LMBRD2: variants seen among roughly 807,000 people sequenced by gnomAD.
The protein encoded by LMBRD2 is G protein-coupled receptor-associated protein LMBRD2.
Under a neutral mutation model 94.4 loss-of-function variants are expected in LMBRD2, and 55 were observed. That is an observed-to-expected ratio of 0.58 (90% CI 0.47 to 0.73). LMBRD2 has a LOEUF of 0.73. LMBRD2 is among the 30% of genes least tolerant of loss of function. The probability of loss-of-function intolerance (pLI) is 0.00; values close to 1 mark genes in which losing one functional copy is unlikely to be tolerated. For missense variants in LMBRD2, 640 were observed against 831.9 expected (o/e 0.77, Z 2.84); for synonymous variants, 246 against 272.4 (o/e 0.90, Z 0.95).
chr5:36,149,889 AAG>A (rs1314444086), intron 1 of LMBRD2, among the ~76,000 whole-genome samples: 3 of 152,198 alleles, frequency 2.0e-5, no homozygotes, highest in Non-Finnish European at 4.4e-5. Context: ...CCTGGGCAAT[AAG>A]AGTGAAATTT....
At chr5:36,147,118 G>A (rs1187207617) in intron 1 of LMBRD2, among the ~76,000 whole-genome samples, 3 of 152,122 alleles carry the variant, frequency 2.0e-5, no homozygotes, top group African/African-American at 7.2e-5. Context: ...CCAGAGATAA[G>A]AGCATAGACA....
rs1212269668 is a variant in LMBRD2 at position 36,122,420 on chromosome 5, C to T, written c.980G>A (p.Trp327Ter). ...VQRHRRTQVQ[W>*]QILLEQAFYL... ...AAATGCTTGTTCCAAAAGAATCTGC[C>T]ATTGTACTTGAGTTCGACGGTGTCT... The change falls in exon 9 of 18, where the codon TGG (tryptophan) becomes TAG (stop). Residue 327 changes from tryptophan (W) to a stop codon, truncating the protein, a stop_gained. Coordinates refer to ENST00000296603, the MANE Select transcript of LMBRD2 (RefSeq NM_001007527.2). LOFTEE classifies it high-confidence loss of function. 6.2e-7 allele frequency: 1 copy of T among 1,613,334 alleles called. No homozygotes were observed. The highest frequency in any genetic ancestry group is 1.7e-5 in the Admixed American group (1 of 59,832).
intron 1 of LMBRD2, among the ~76,000 whole-genome samples, chr5:36,144,998 T>G (rs1744503892): frequency 6.6e-6 from 1 of 152,206 alleles, no homozygotes; most frequent in African/African-American, 2.4e-5. Context: ...TGCTATATTT[T>G]CCTTCAATGC....
intron 16 of LMBRD2, 48 bp downstream of exon 16, chr5:36,108,486 A>C (rs767888928): frequency 1.1e-6 from 1 of 946,304 alleles, no homozygotes; most frequent in Non-Finnish European, 1.7e-6. Flanking sequence ...CTATGCAAGA[A>C]AGCATAAGAA....
Position 36,142,524 on chromosome 5 carries a change from C to T in LMBRD2, c.250G>A (p.Ala84Thr), listed in dbSNP as rs748136443. Residue 84 changes from alanine (A) to threonine (T), a missense_variant, in exon 3 of 18, where the codon GCA becomes ACA. Ala to Thr is a moderately conservative substitution (Grantham distance 58). Transcript: ENST00000296603. ...TACCTTGGAACAGGGTTAGCAGTTG[C>T]GTACAATCCTGTAATGTTGCTATTC... ...PENSNITGLY[A>T]TANPVPSQHP... 2.9e-5 allele frequency: 46 copies of T among 1,600,972 alleles called. No individual in the cohort carries two copies. Among genetic ancestry groups the T allele is most frequent in the East Asian group, 2.7e-4 (12 of 44,782 alleles).
intron 6 of LMBRD2, among the ~76,000 whole-genome samples, chr5:36,127,639 T>G (rs934198741): frequency 6.6e-6 from 1 of 152,148 alleles, no homozygotes; most frequent in African/African-American, 2.4e-5. Flanking sequence ...ATATACTCAT[T>G]GTGGCCCTGG....
At chr5:36,135,412 T>G (rs1336483189) in intron 6 of LMBRD2, among the ~76,000 whole-genome samples, 1 of 152,194 alleles carries the variant, frequency 6.6e-6, no homozygotes. Flanking sequence ...AGTTGAGTGT[T>G]AGGTAAATAT....
At chr5:36,142,480 T>TA in intron 3 of LMBRD2, 22 bp downstream of exon 3, 2 of 1,339,572 alleles carry the variant, frequency 1.5e-6, no homozygotes, top group Non-Finnish European at 2.1e-6. Flanking sequence ...TGTTTATATA[T>TA]TTTTTTTAAA....
intron 6 of LMBRD2, among the ~76,000 whole-genome samples, chr5:36,128,707 A>G (rs933389360): frequency 6.6e-6 from 1 of 152,090 alleles, no homozygotes; most frequent in South Asian, 2.1e-4. Flanking sequence ...CCTGGGTAAC[A>G]CAGTGAGACC....
At position 36,111,230 on chromosome 5, in the gene LMBRD2, C is replaced by T. The variant is rs1165881783; in HGVS notation, c.1669G>A (p.Gly557Ser). The T allele has an allele frequency of 5.6e-6, 9 of 1,611,580 alleles. No individual in the cohort carries two copies. The highest frequency in any genetic ancestry group is 7.6e-6 in the Non-Finnish European group (9 of 1,178,502). Reference protein sequence around the residue: ...SLGTRCLNLLGFQQFMGDDDM... With the variant: ...SLGTRCLNLLSFQQFMGDDDM... ...TCATCTCCCATAAACTGCTGGAAAC[C>T]GAGCAGATTCAAACAACGGGTTCCC... Residue 557 changes from glycine (G) to serine (S), a missense_variant, in exon 14 of 18, where the codon GGT becomes AGT. Transcript: ENST00000296603.
At chr5:36,138,284 G>T (rs1319326472) in intron 4 of LMBRD2, among the ~76,000 whole-genome samples, 1 of 152,304 alleles carries the variant, frequency 6.6e-6, no homozygotes, top group East Asian at 1.9e-4. Flanking sequence ...TGAGCAAGTG[G>T]AGATATCAAA....
intron 17 of LMBRD2, among the ~76,000 whole-genome samples, chr5:36,104,529 A>G (rs138569415): frequency 1.3e-3 from 201 of 152,192 alleles, no homozygotes; most frequent in African/African-American, 4.4e-3. Context: ...GGCTAAAAGT[A>G]CAGACTCTGT....
At chr5:36,107,212 T>C (rs1743493273) in intron 16 of LMBRD2, among the ~76,000 whole-genome samples, 1 of 152,176 alleles carries the variant, frequency 6.6e-6, no homozygotes. Flanking sequence ...ATAGTTTCCA[T>C]CTCTCTGGTG....
At chr5:36,142,792 T>C in intron 2 of LMBRD2, 193 bp from the exon 3 acceptor site, 1 of 418,650 alleles carries the variant, frequency 2.4e-6, no homozygotes, top group Admixed American at 4.2e-5. Context: ...TGGCGCGATC[T>C]CGGCTTACTG....
At chr5:36,125,813 G>T (rs1222327067) in intron 6 of LMBRD2, among the ~76,000 whole-genome samples, 1 of 152,050 alleles carries the variant, frequency 6.6e-6, no homozygotes, top group Non-Finnish European at 1.5e-5. Context: ...GCTCTGAGAG[G>T]GGAGAATGTA....
intron 1 of LMBRD2, among the ~76,000 whole-genome samples, chr5:36,149,957 A>T (rs946487412): frequency 1.3e-5 from 2 of 152,228 alleles, no homozygotes; most frequent in Non-Finnish European, 2.9e-5. Flanking sequence ...ATCAGTAGCA[A>T]TCACAATGCA....
In LMBRD2 at chr5:36,122,894, T is replaced by G; in HGVS notation, c.890A>C (p.His297Pro). 4 of 1,589,944 alleles carry G rather than the reference T, an allele frequency of 2.5e-6. No individual in the cohort carries two copies. Among genetic ancestry groups the G allele is most frequent in the Non-Finnish European group, 3.4e-6 (4 of 1,172,206 alleles). ...MDDYEDFDEKHSIYPSEKSLV... is the reference protein window; with the variant it reads ...MDDYEDFDEKPSIYPSEKSLV... ...ACTTTTTTCACTTGGATAGATACTA[T>G]GCTTTTCATCAAAATCTTCATAATC... Residue 297 changes from histidine (H) to proline (P), a missense_variant, in exon 8 of 18, where the codon CAT (histidine) becomes CCT (proline). His to Pro is a moderately conservative substitution (Grantham distance 77, BLOSUM62 -2). Around this residue, in one of 2 missense-constraint regions of LMBRD2, gnomAD observed 457 missense variants for 642.8 expected, o/e 0.71. Coordinates refer to ENST00000296603, the MANE Select transcript of LMBRD2 (RefSeq NM_001007527.2).
At chr5:36,143,687 T>C (rs1238089061) in intron 1 of LMBRD2, among the ~76,000 whole-genome samples, 1 of 152,144 alleles carries the variant, frequency 6.6e-6, no homozygotes, top group South Asian at 2.1e-4. Context: ...GAAGTTCTTA[T>C]TTTAGATGTG....
chr5:36,119,181 AC>A (rs2111866465), intron 9 of LMBRD2, among the ~76,000 whole-genome samples: 1 of 152,016 alleles, frequency 6.6e-6, no homozygotes, highest in South Asian at 2.1e-4. Context: ...CCCTTTCAAT[AC>A]CCTTATCTCT....
Sources: gnomAD v4.1 joint callset for allele counts (sites outside exome capture counted in the v4.1 genomes callset) on GRCh38, gnomAD v4.1.1 for gene constraint, gnomAD v4.1.1 regional missense constraint, MANE v1.5 for transcripts, NCBI Gene and HGNC (gene_info 2026-07-23, HGNC 2026-07-21) for gene names.